The following SORCS2 variants were observed in gnomAD, a reference collection of about 807,000 sequenced individuals.
SORCS2 encodes the protein VPS10 domain-containing receptor SorCS2.
Under a neutral mutation model 141.6 loss-of-function variants are expected in SORCS2, and 100 were observed. That is an observed-to-expected ratio of 0.71 (90% CI 0.60 to 0.83). The LOEUF is 0.83. Ranked by LOEUF, SORCS2 falls within the 40% of genes least tolerant of loss-of-function variation. SORCS2 has a pLI of 0.00. For synonymous variants in SORCS2, 789 were observed against 676.9 expected (o/e 1.17, Z -2.57); for missense variants, 1,646 against 1,560.2 (o/e 1.05, Z -0.93).
chr4:7,480,827 A>T (rs1251893252), intron 2 of SORCS2, among the ~76,000 whole-genome samples: 1 of 152,242 alleles, frequency 6.6e-6, no homozygotes, highest in Non-Finnish European at 1.5e-5. Flanking sequence ...ACAGGAGTGG[A>T]GAGCAGGTGT....
At chr4:7,734,864 G>A (rs1319169987) in intron 25 of SORCS2, among the ~76,000 whole-genome samples, 1 of 152,208 alleles carries the variant, frequency 6.6e-6, no homozygotes, top group Non-Finnish European at 1.5e-5. Context: ...TTCCTGCCAG[G>A]CGCTCCCGTG....
intron 1 of SORCS2, among the ~76,000 whole-genome samples, chr4:7,330,399 G>T (rs1489062772): frequency 6.6e-6 from 1 of 151,968 alleles, no homozygotes; most frequent in Non-Finnish European, 1.5e-5. Context: ...TGTGCCCAAA[G>T]GTGCCTGCGC....
intron 11 of SORCS2, among the ~76,000 whole-genome samples, chr4:7,693,304 G>A (rs1724376990): frequency 6.6e-6 from 1 of 152,110 alleles, no homozygotes; most frequent in South Asian, 2.1e-4. Context: ...CCACACCTTC[G>A]GGGATCCCAG....
At chr4:7,260,832 C>T (rs1039746812) in intron 1 of SORCS2, among the ~76,000 whole-genome samples, 1 of 152,214 alleles carries the variant, frequency 6.6e-6, no homozygotes, top group Non-Finnish European at 1.5e-5. Context: ...TGGTGTGACC[C>T]TCTTCCTCCT....
At chr4:7,428,054 T>C (rs10937820) in intron 2 of SORCS2, among the ~76,000 whole-genome samples, 102,144 of 152,032 alleles carry the variant, frequency 0.67, 34,689 homozygotes, top group Middle Eastern at 0.74. Context: ...TGAGTTTCCA[T>C]ACCCAGACTC....
chr4:7,303,077 T>C (rs1363438400), intron 1 of SORCS2, among the ~76,000 whole-genome samples: 1 of 152,138 alleles, frequency 6.6e-6, no homozygotes, highest in East Asian at 1.9e-4. Flanking sequence ...CACTCCTCCA[T>C]GCACACAAAA....
intron 14 of SORCS2, among the ~76,000 whole-genome samples, chr4:7,710,721 A>G (rs1159055563): frequency 1.3e-5 from 2 of 152,186 alleles, no homozygotes; most frequent in Non-Finnish European, 2.9e-5. Flanking sequence ...AGCCGGGGCC[A>G]CCGTGCAGGC....
At chr4:7,674,349 G>A (rs1195521715) in intron 8 of SORCS2, among the ~76,000 whole-genome samples, 1 of 152,012 alleles carries the variant, frequency 6.6e-6, no homozygotes, top group Non-Finnish European at 1.5e-5. Context: ...GGAGGAAGGC[G>A]GATCACGAGT....
At chr4:7,580,688 A>T (rs894960852) in intron 3 of SORCS2, among the ~76,000 whole-genome samples, 24 of 152,216 alleles carry the variant, frequency 1.6e-4, no homozygotes, top group African/African-American at 5.8e-4. Flanking sequence ...GCATCCCCTA[A>T]GAACAATGGA....
chr4:7,467,731 C>T (rs914877030), intron 2 of SORCS2, among the ~76,000 whole-genome samples: 23 of 152,318 alleles, frequency 1.5e-4, no homozygotes, highest in Admixed American at 3.3e-4. Flanking sequence ...TTGGTCTCAG[C>T]GGCCACTGCC....
At chr4:7,279,776 G>C (rs1182866910) in intron 1 of SORCS2, among the ~76,000 whole-genome samples, 5 of 152,196 alleles carry the variant, frequency 3.3e-5, no homozygotes, top group Non-Finnish European at 7.3e-5. Context: ...TTTTGTACCT[G>C]TTGTGGGTAA....
intron 2 of SORCS2, among the ~76,000 whole-genome samples, chr4:7,517,157 G>T (rs1277262637): frequency 6.6e-6 from 1 of 152,198 alleles, no homozygotes; most frequent in Non-Finnish European, 1.5e-5. Context: ...ACACACTGAG[G>T]ACACGCATGG....
At position 7,383,240 on chromosome 4, in the gene SORCS2, C is replaced by T. The variant is rs545726319; in HGVS notation, c.481-13048C>T. Among the ~76,000 whole-genome samples the T allele has an allele frequency of 2.6e-5, 4 of 152,296 alleles. No homozygotes were observed. In the South Asian group the frequency reaches 8.3e-4, roughly 32 times the overall value. On this transcript the variant is annotated intron_variant, in intron 1 of 26. Transcript: ENST00000507866. ...TGGCATCAGAACCTCCAACCTCTAC[C>T]TTCCTGACAATTCTGAGGGGTAGGC...
intron 1 of SORCS2, among the ~76,000 whole-genome samples, chr4:7,288,415 A>G (rs1050123015): frequency 3.3e-5 from 5 of 152,062 alleles, no homozygotes; most frequent in African/African-American, 9.6e-5. Context: ...AACACCACAG[A>G]CCAGGAGGCT....
At chr4:7,491,244 A>T (rs1051623664) in intron 2 of SORCS2, among the ~76,000 whole-genome samples, 1 of 151,972 alleles carries the variant, frequency 6.6e-6, no homozygotes, top group African/African-American at 2.4e-5. Flanking sequence ...CACCTGAGTA[A>T]CCCATGCTCA....
chr4:7,584,872 C>T (rs186433986), intron 3 of SORCS2, among the ~76,000 whole-genome samples: 10 of 152,294 alleles, frequency 6.6e-5, no homozygotes, highest in South Asian at 4.1e-4. Context: ...TAATTGTGTG[C>T]GCTGTGTTTA....
At chr4:7,690,755 G>A (rs954404824) in intron 11 of SORCS2, among the ~76,000 whole-genome samples, 1 of 152,166 alleles carries the variant, frequency 6.6e-6, no homozygotes, top group Admixed American at 6.5e-5. Flanking sequence ...TTATATCATG[G>A]TTGATATTTA....
At chr4:7,609,739 G>C (rs979822984) in intron 3 of SORCS2, among the ~76,000 whole-genome samples, 1 of 152,034 alleles carries the variant, frequency 6.6e-6, no homozygotes, top group Non-Finnish European at 1.5e-5. Flanking sequence ...CACCCCCACC[G>C]CCCCCATGAC....
chr4:7,677,035 C>G (rs913857091), intron 9 of SORCS2, among the ~76,000 whole-genome samples: 20 of 151,582 alleles, frequency 1.3e-4, no homozygotes, highest in Admixed American at 4.6e-4. Context: ...CTCTCTCTGT[C>G]TCTCTCTCAC....
Sources: gnomAD v4.1 joint callset for allele counts (sites outside exome capture counted in the v4.1 genomes callset) on GRCh38, gnomAD v4.1.1 for gene constraint, MANE v1.5 for transcripts, NCBI Gene and HGNC (gene_info 2026-07-23, HGNC 2026-07-21) for gene names.